DMXL1: variants seen among roughly 807,000 people sequenced by gnomAD.
DMXL1 encodes the protein dmX-like protein 1.
A neutral mutation model predicts 319.2 loss-of-function variants in DMXL1; 99 were observed. That is an observed-to-expected ratio of 0.31 (90% CI 0.26 to 0.37). The LOEUF (loss-of-function observed/expected upper bound fraction) is 0.37. Among genes scored for constraint, DMXL1 ranks in the 10% least tolerant of loss-of-function variants. The pLI is 1.00. For synonymous variants in DMXL1, 1,385 were observed against 1,235.2 expected (o/e 1.12, Z -2.54); for missense variants, 3,745 against 3,595.6 (o/e 1.04, Z -1.06).
chr5:119,194,409 G>T (rs1401979932), intron 30 of DMXL1, among the ~76,000 whole-genome samples: 1 of 152,152 alleles, frequency 6.6e-6, no homozygotes, highest in Non-Finnish European at 1.5e-5. Flanking sequence ...AAAGTACTCT[G>T]TATGTCATAC....
At chr5:119,096,177 A>ATT (rs74454483) in intron 1 of DMXL1, among the ~76,000 whole-genome samples, 21 of 142,080 alleles carry the variant, frequency 1.5e-4, no homozygotes, top group Middle Eastern at 3.5e-3. Flanking sequence ...ATGAAGTATA[A>ATT]TTTTTTTTTT....
chr5:119,097,831 T>C (rs1388816316), intron 1 of DMXL1, 148 bp from the exon 2 acceptor site: 4 of 727,302 alleles, frequency 5.5e-6, no homozygotes, highest in Admixed American at 3.3e-5. Context: ...TAGTGCCAAA[T>C]GTAGATTTTT....
At chr5:119,088,046 C>G (rs1415323756) in intron 1 of DMXL1, among the ~76,000 whole-genome samples, 1 of 152,168 alleles carries the variant, frequency 6.6e-6, no homozygotes, top group East Asian at 1.9e-4. Flanking sequence ...AGGTGATCTG[C>G]CAGCCTCCGC....
chr5:119,099,392 G>A (rs550177603), intron 2 of DMXL1, among the ~76,000 whole-genome samples: 43 of 152,108 alleles, frequency 2.8e-4, no homozygotes, highest in African/African-American at 9.9e-4. Context: ...TGTATTTTTA[G>A]TAGAAACGGG....
intron 3 of DMXL1, among the ~76,000 whole-genome samples, chr5:119,102,487 T>G (rs2149803058): frequency 6.6e-6 from 1 of 152,344 alleles, no homozygotes; most frequent in African/African-American, 2.4e-5. Flanking sequence ...TTCTGAAAAC[T>G]GGTTACCCAA....
At chr5:119,239,241 C>G (rs562213938) in intron 41 of DMXL1, among the ~76,000 whole-genome samples, 161 bp downstream of exon 41, 2 of 152,102 alleles carry the variant, frequency 1.3e-5, no homozygotes, top group Admixed American at 6.5e-5. Flanking sequence ...AGCCCCACCC[C>G]CAAAAGCTGT....
At chr5:119,156,320 A>G (rs1771047511) in intron 19 of DMXL1, among the ~76,000 whole-genome samples, 2 of 152,330 alleles carry the variant, frequency 1.3e-5, no homozygotes, top group South Asian at 4.1e-4. Context: ...ACATAACGCT[A>G]TTGCACAGTT....
At chr5:119,190,025 C>T in intron 29 of DMXL1, 139 bp downstream of exon 29, 2 of 690,504 alleles carry the variant, frequency 2.9e-6, no homozygotes, top group Non-Finnish European at 2.4e-6. Context: ...GGCTACATTC[C>T]AAAAATATAT....
chr5:119,108,270 A>G (rs1580741049), intron 4 of DMXL1, among the ~76,000 whole-genome samples: 1 of 152,176 alleles, frequency 6.6e-6, no homozygotes, highest in Admixed American at 6.5e-5. Context: ...GGTGAATGCC[A>G]TCTTTATTGT....
intron 14 of DMXL1, among the ~76,000 whole-genome samples, chr5:119,144,165 T>C (rs1327675294): frequency 6.6e-6 from 1 of 151,860 alleles, no homozygotes; most frequent in East Asian, 1.9e-4. Flanking sequence ...TTTCAAACTT[T>C]GACTCAAACA....
At chr5:119,102,097 A>G in intron 3 of DMXL1, 91 bp downstream of exon 3, 2 of 760,274 alleles carry the variant, frequency 2.6e-6, no homozygotes, top group Non-Finnish European at 2.2e-6. Context: ...GTAAATCGGT[A>G]TTACTTATAT....
chr5:119,077,656 ATGTGTGTGTGTATATATATGTGTG>A (rs1004996817), intron 1 of DMXL1, among the ~76,000 whole-genome samples: 10 of 104,336 alleles, frequency 9.6e-5, no homozygotes, highest in Non-Finnish European at 1.5e-4. Flanking sequence ...TTTTTTGTAT[ATGTGTGTGTGTATATATATGTGTG>A]TGTGTGTGTG....
chr5:119,202,693 A>G (rs1298304383), intron 32 of DMXL1, among the ~76,000 whole-genome samples: 1 of 151,578 alleles, frequency 6.6e-6, no homozygotes, highest in East Asian at 1.9e-4. Flanking sequence ...TCTACTAAAA[A>G]TACAAAAATT....
At chr5:119,197,345 T>A (rs541173326) in intron 31 of DMXL1, among the ~76,000 whole-genome samples, 3 of 152,214 alleles carry the variant, frequency 2.0e-5, no homozygotes, top group East Asian at 3.9e-4. Context: ...TCACAAAAAA[T>A]TTCATAATGT....
At position 119,177,517 on chromosome 5, in the gene DMXL1, T is replaced by C. The variant is rs1372407736; in HGVS notation, c.6886+33T>C. The C allele has an allele frequency of 2.6e-6, 4 of 1,549,228 alleles. No individual in the cohort carries two copies. In the Admixed American group the frequency reaches 8.3e-5, roughly 32 times the overall value. On this transcript the variant is annotated intron_variant, in intron 27 of 43. Coordinates refer to ENST00000539542, the MANE Select transcript of DMXL1 (RefSeq NM_001290321.3). ...TTTTATGTATAGATCAGTTTTTTCT[T>C]AGTCTTATTTATAATCTTAGATAAG...
At chr5:119,122,149 C>A (rs1441162664) in intron 9 of DMXL1, among the ~76,000 whole-genome samples, 3 of 138,036 alleles carry the variant, frequency 2.2e-5, no homozygotes, top group Non-Finnish European at 4.8e-5. Flanking sequence ...GACCCCCCCA[C>A]CTCCCTCCCA....
Position 119,170,927 on chromosome 5 carries a change from A to G in DMXL1, c.6136A>G (p.Thr2046Ala). ...ILTVELRTLS[T>A]GYEIDGGKLR... ...CACAGTAGAACTTCGTACTTTATCT[A>G]CTGGCTATGAAATAGATGGTGGAAA... is the stretch of plus-strand genomic sequence containing the variant. Residue 2046 changes from threonine to alanine, a missense_variant, in exon 24 of 44, where the codon ACT becomes GCT. Physicochemically the swap from Thr to Ala is moderately conservative, Grantham distance 58. Around this residue, in one of 4 missense-constraint regions of DMXL1, gnomAD observed 1,382 missense variants for 1,269.5 expected, o/e 1.09. Coordinates refer to ENST00000539542, the MANE Select transcript of DMXL1 (RefSeq NM_001290321.3). 6.2e-7 allele frequency: 1 copy of G among 1,613,604 alleles called. No individual in the cohort carries two copies. Among genetic ancestry groups the G allele is most frequent in the Non-Finnish European group, 8.5e-7 (1 of 1,179,864 alleles).
rs1018398017 is a variant in DMXL1, at chr5:119,247,909, A to G, written c.*690A>G. The G allele has an allele frequency of 2.0e-5, 2 of 99,630 alleles. No homozygotes were observed. Among genetic ancestry groups the G allele is most frequent in the Non-Finnish European group, 4.1e-5 (2 of 48,534 alleles). The allele number at this position is 99,630 out of a possible 1,614,324, so 6.2% of individuals were successfully genotyped here. A position where few individuals can be genotyped will look rare whatever the true frequency, so the allele number is the denominator to read the frequency against. ...CATGTGTTTTTGTGCCATAACAACT[A>G]TTGCCACCAGAATAACTTTTTTTTT... On this transcript the variant is annotated 3_prime_UTR_variant, in exon 44 of 44. Transcript: ENST00000539542.
intron 33 of DMXL1, 62 bp downstream of exon 33, chr5:119,203,498 A>G: frequency 3.1e-6 from 3 of 973,714 alleles, no homozygotes; most frequent in Non-Finnish European, 4.4e-6. Flanking sequence ...TTATCATGTA[A>G]CCATTAAAAT....
Sources: gnomAD v4.1 joint callset for allele counts (sites outside exome capture counted in the v4.1 genomes callset) on GRCh38, gnomAD v4.1.1 for gene constraint, gnomAD v4.1.1 regional missense constraint, MANE v1.5 for transcripts, NCBI Gene and HGNC (gene_info 2026-07-23, HGNC 2026-07-21) for gene names.